The following DPH6 variants were observed in gnomAD, a reference collection of about 807,000 sequenced individuals.
DPH6 encodes the protein diphthine--ammonia ligase.
Under a neutral mutation model 38.2 loss-of-function variants are expected in DPH6, and 33 were observed. The observed-to-expected ratio is 0.86, with a 90% CI of 0.65 to 1.15. The LOEUF (loss-of-function observed/expected upper bound fraction) is 1.15. Ranked by LOEUF, DPH6 falls within the 50% of genes most tolerant of loss-of-function variation. The pLI, the probability that DPH6 is intolerant of heterozygous loss-of-function variation, is 0.00. For missense variants in DPH6, 325 were observed against 320.0 expected (o/e 1.02, Z -0.12); for synonymous variants, 108 against 103.0 (o/e 1.05, Z -0.30).
downstream of DPH6, among the ~76,000 whole-genome samples, chr15:35,326,611 T>A (rs896653624): frequency 7.9e-5 from 12 of 151,992 alleles, no homozygotes; most frequent in African/African-American, 1.7e-4. Flanking sequence ...TTTAAAAAAA[T>A]TTTTTGTAGA....
At chr15:35,307,202 C>A (rs748262528) in intron 3 of DPH6, among the ~76,000 whole-genome samples, 1 of 151,966 alleles carries the variant, frequency 6.6e-6, no homozygotes, top group Non-Finnish European at 1.5e-5. Flanking sequence ...AATTAACATC[C>A]CCGTTGAGGG....
At chr15:35,174,501 GAA>G in the DPH6 span, among the ~76,000 whole-genome samples, 1 of 152,106 alleles carries the variant, frequency 6.6e-6, no homozygotes, top group Non-Finnish European at 1.5e-5. Flanking sequence ...TTCAGAAACA[GAA>G]AAACTAGATG....
intron 3 of DPH6, among the ~76,000 whole-genome samples, chr15:35,230,842 G>A (rs1169386073): frequency 6.6e-6 from 1 of 152,030 alleles, no homozygotes; most frequent in Non-Finnish European, 1.5e-5. Flanking sequence ...ACTCTGAATG[G>A]TGTCCTATCC....
chr15:35,345,321 AG>A (rs2052453030), intron 3 of DPH6, among the ~76,000 whole-genome samples: 1 of 151,862 alleles, frequency 6.6e-6, no homozygotes, highest in Non-Finnish European at 1.5e-5. Flanking sequence ...AAATAATGAT[AG>A]TTTTATTTCT....
intron 3 of DPH6, among the ~76,000 whole-genome samples, chr15:35,347,115 T>C (rs1254202727): frequency 6.6e-6 from 1 of 152,110 alleles, no homozygotes; most frequent in Non-Finnish European, 1.5e-5. Context: ...TTTGCAAAAC[T>C]GAAACTCTAA....
At chr15:35,420,179 A>C (rs2141011494) in intron 5 of DPH6, among the ~76,000 whole-genome samples, 1 of 152,276 alleles carries the variant, frequency 6.6e-6, no homozygotes, top group Admixed American at 6.5e-5. Flanking sequence ...ATGCTCCTGA[A>C]GGAGCATATG....
At chr15:35,188,241 C>A in the DPH6 span, among the ~76,000 whole-genome samples, 15 of 152,136 alleles carry the variant, frequency 9.9e-5, no homozygotes, top group Non-Finnish European at 2.1e-4. Flanking sequence ...GCTGAGTGGG[C>A]TCACCTATGC....
At position 35,352,454 on chromosome 15, in the gene DPH6, C is replaced by T. The variant is rs1318764211; in HGVS notation, n.207+21067G>A. On this transcript the variant is annotated intron_variant and non_coding_transcript_variant, in intron 3 of 3. Transcript: ENST00000558973. ...GCTACCCCCACCCCACAACAGGCCC[C>T]GGTGTGTGATGTTCCCCTTCCTGTG... 5.9e-5 allele frequency among the ~76,000 whole-genome samples: 9 copies of T among 152,238 alleles called. No homozygotes were observed. The East Asian group carries it at 7.7e-4, about 13-fold the overall frequency.
chr15:35,173,699 C>T, the DPH6 span, among the ~76,000 whole-genome samples: 1 of 152,132 alleles, frequency 6.6e-6, no homozygotes, highest in Non-Finnish European at 1.5e-5. Flanking sequence ...TCACTCATTG[C>T]TGCAGCCATG....
At chr15:35,184,219 T>C in the DPH6 span, among the ~76,000 whole-genome samples, 3 of 152,180 alleles carry the variant, frequency 2.0e-5, no homozygotes, top group Admixed American at 6.5e-5. Flanking sequence ...TAGATTCAGT[T>C]TTGCGATGGT....
At chr15:35,534,377 CAA>C (rs55974798) in intron 3 of DPH6, among the ~76,000 whole-genome samples, 2,085 of 104,202 alleles carry the variant, frequency 0.02, 30 homozygotes, top group African/African-American at 0.044. Context: ...AACTCTGTCT[CAA>C]AAAAAAAAAA....
At chr15:35,380,542 T>C (rs1239578517) in intron 7 of DPH6, among the ~76,000 whole-genome samples, 1 of 152,196 alleles carries the variant, frequency 6.6e-6, no homozygotes, top group Non-Finnish European at 1.5e-5. Context: ...CACTTATTGC[T>C]GTGCTTTTTT....
chr15:35,503,950 C>T (rs1252506407), intron 3 of DPH6, among the ~76,000 whole-genome samples: 1 of 152,070 alleles, frequency 6.6e-6, no homozygotes, highest in African/African-American at 2.4e-5. Flanking sequence ...AAGCTTTTCA[C>T]ATGACTTTGA....
At chr15:35,284,150 T>G (rs953637356) in intron 3 of DPH6, among the ~76,000 whole-genome samples, 2 of 152,232 alleles carry the variant, frequency 1.3e-5, no homozygotes, top group African/African-American at 4.8e-5. Flanking sequence ...TTCTCTTTTG[T>G]CATCTATCCT....
chr15:35,383,259 T>C (rs2052896405), intron 6 of DPH6, among the ~76,000 whole-genome samples: 1 of 152,204 alleles, frequency 6.6e-6, no homozygotes, highest in African/African-American at 2.4e-5. Flanking sequence ...CCTAGTAAAA[T>C]AATGTAAGCT....
chr15:35,485,320 G>A (rs767173614), intron 3 of DPH6, among the ~76,000 whole-genome samples: 1 of 152,200 alleles, frequency 6.6e-6, no homozygotes, highest in Non-Finnish European at 1.5e-5. Context: ...GTGTTGCCAT[G>A]TGTTGTTTTA....
intron 5 of DPH6, among the ~76,000 whole-genome samples, chr15:35,411,730 A>G (rs1373982121): frequency 6.6e-6 from 1 of 151,766 alleles, no homozygotes; most frequent in Non-Finnish European, 1.5e-5. Context: ...TTCATTTACA[A>G]AAGTTAATGT....
At chr15:35,378,968 G>A (rs1257430744) in intron 7 of DPH6, among the ~76,000 whole-genome samples, 1 of 152,230 alleles carries the variant, frequency 6.6e-6, no homozygotes, top group Admixed American at 6.5e-5. Flanking sequence ...GAACTTAAAA[G>A]TATAATTTAC....
chr15:35,459,727 G>A (rs942733175), intron 3 of DPH6, among the ~76,000 whole-genome samples: 5 of 152,086 alleles, frequency 3.3e-5, no homozygotes, highest in Admixed American at 1.3e-4. Flanking sequence ...AAAACCCAGT[G>A]AAGACGTTCG....
Sources: allele counts gnomAD v4.1 joint callset (sites outside exome capture counted in the v4.1 genomes callset), GRCh38; gene constraint gnomAD v4.1.1; transcripts MANE v1.5; gene names NCBI Gene and HGNC (gene_info 2026-07-23, HGNC 2026-07-21).